PCDH15: variants seen among roughly 807,000 people sequenced by gnomAD.
The protein encoded by PCDH15 is protocadherin-15.
Under a neutral mutation model 178.5 loss-of-function variants are expected in PCDH15, and 129 were observed. The ratio of observed to expected loss-of-function variants is 0.72; its 90% CI spans 0.63 to 0.84. The LOEUF (loss-of-function observed/expected upper bound fraction) is 0.84. Among genes scored for constraint, PCDH15 ranks in the 40% least tolerant of loss-of-function variants. The pLI is 0.00. For synonymous variants in PCDH15, 800 were observed against 732.0 expected, an observed-to-expected ratio of 1.09 and a Z score of -1.50; for missense variants, 2,230 against 2,099.9, an observed-to-expected ratio of 1.06 and a Z score of -1.21.
intron 2 of PCDH15, among the ~76,000 whole-genome samples, chr10:55,042,168 CAG>C (rs1305331097): frequency 6.6e-6 from 1 of 151,980 alleles, no homozygotes; most frequent in Non-Finnish European, 1.5e-5. Flanking sequence ...CTAGGAAATT[CAG>C]AGTGAAGGAA....
chr10:54,655,428 G>GGGGTGTGT (rs2094381890), intron 2 of PCDH15: 3 of 141,980 alleles, frequency 2.1e-5, no homozygotes, highest in East Asian at 2.1e-4. Flanking sequence ...TGTGTGGTGG[G>GGGGTGTGT]GTGTGTGTGT....
At chr10:54,230,770 A>T (rs920819619) in intron 9 of PCDH15, among the ~76,000 whole-genome samples, 12 of 152,168 alleles carry the variant, frequency 7.9e-5, no homozygotes, top group African/African-American at 2.7e-4. Flanking sequence ...TTGAAAAATT[A>T]GAAAAAATAC....
intron 17 of PCDH15, among the ~76,000 whole-genome samples, chr10:54,067,242 C>T (rs891492809): frequency 3.3e-5 from 5 of 152,034 alleles, no homozygotes; most frequent in Non-Finnish European, 5.9e-5. Context: ...CTGAAATGTG[C>T]CATTTCTGTA....
intron 25 of PCDH15, among the ~76,000 whole-genome samples, chr10:53,937,108 T>A (rs1010802567): frequency 6.6e-6 from 1 of 152,172 alleles, no homozygotes; most frequent in East Asian, 1.9e-4. Context: ...CACCTCTACA[T>A]GCATACTGGG....
At chr10:54,645,672 A>G (rs1014067742) in intron 2 of PCDH15, among the ~76,000 whole-genome samples, 4 of 152,164 alleles carry the variant, frequency 2.6e-5, no homozygotes, top group African/African-American at 9.6e-5. Context: ...CTAAGAAAGA[A>G]GTGGCCAATA....
rs556372426 is a variant in PCDH15 at position 54,213,381 on chromosome 10, A to C, written c.1098+555T>G. On this transcript the variant is annotated intron_variant, in intron 10 of 37. Coordinates refer to ENST00000644397, the MANE Select transcript of PCDH15 (RefSeq NM_001384140.1). ...TTAAACCAAAAGTGAAATGCCAAATAGATTAGCTTAGCTTTGAATTATTTC... is the reference window on the plus strand; with the variant it reads ...TTAAACCAAAAGTGAAATGCCAAATCGATTAGCTTAGCTTTGAATTATTTC... 2.0e-5 allele frequency among the ~76,000 whole-genome samples: 3 copies of C among 152,250 alleles called. No homozygotes were observed. In the East Asian group the frequency reaches 5.8e-4, roughly 29 times the overall value.
At chr10:54,233,644 G>A (rs2054306531) in intron 9 of PCDH15, among the ~76,000 whole-genome samples, 1 of 152,166 alleles carries the variant, frequency 6.6e-6, no homozygotes, top group Non-Finnish European at 1.5e-5. Flanking sequence ...TTTAGGTCTA[G>A]CTGCTTTATG....
intron 23 of PCDH15, among the ~76,000 whole-genome samples, chr10:53,948,787 T>G (rs2593108): frequency 0.014 from 2,158 of 152,306 alleles, 49 homozygotes; most frequent in African/African-American, 0.049. Flanking sequence ...AACAAAGTTT[T>G]TAGTATGACT....
chr10:55,569,366 G>A lies in PCDH15; in HGVS notation c.-156+58259C>T, dbSNP rs16907517. Among the ~76,000 whole-genome samples the A allele has an allele frequency of 4.6e-3, 703 of 152,012 alleles. 6 individuals carry two copies. The highest frequency in any genetic ancestry group is 0.016 in the African/African-American group (670 of 41,510). ...CTTTAGCTTTCCAGGTCATATATAA[G>A]CATCTGTTATAAGTTCCCTATATTT... is the stretch of plus-strand genomic sequence containing the variant. On this transcript the variant is annotated intron_variant, in intron 2 of 5. Transcript: ENST00000613346.
At chr10:55,411,574 A>C (rs2132035417) in intron 2 of PCDH15, among the ~76,000 whole-genome samples, 1 of 152,212 alleles carries the variant, frequency 6.6e-6, no homozygotes, top group African/African-American at 2.4e-5. Flanking sequence ...AAAATGCATT[A>C]AGATGTCATT....
chr10:55,432,260 A>G (rs774007984), intron 2 of PCDH15, among the ~76,000 whole-genome samples: 4 of 152,218 alleles, frequency 2.6e-5, no homozygotes, highest in Non-Finnish European at 4.4e-5. Context: ...CTAAATCAGA[A>G]CAATCTGTGT....
chr10:55,309,688 G>A (rs948222919), intron 1 of PCDH15, among the ~76,000 whole-genome samples: 6 of 152,076 alleles, frequency 3.9e-5, no homozygotes, highest in Non-Finnish European at 8.8e-5. Flanking sequence ...AACTTTAAGT[G>A]GGAAATCTAT....
chr10:54,606,731 A>G (rs2092757049), intron 2 of PCDH15: 1 of 152,088 alleles, frequency 6.6e-6, no homozygotes, highest in Non-Finnish European at 1.5e-5. Context: ...GTTTTCAGAT[A>G]TCATAAAAGA....
intron 3 of PCDH15, among the ~76,000 whole-genome samples, chr10:54,846,031 A>G (rs1415539623): frequency 6.6e-6 from 1 of 152,266 alleles, no homozygotes; most frequent in African/African-American, 2.4e-5. Flanking sequence ...ATGGTTTTAT[A>G]TTCTTATACT....
At chr10:54,338,915 T>C (rs918683472) in intron 6 of PCDH15, among the ~76,000 whole-genome samples, 1 of 152,208 alleles carries the variant, frequency 6.6e-6, no homozygotes, top group Non-Finnish European at 1.5e-5. Context: ...TAAATAGTCT[T>C]ATCAATCTTG....
intron 8 of PCDH15, among the ~76,000 whole-genome samples, chr10:54,314,982 G>A (rs2061152911): frequency 6.6e-6 from 1 of 152,130 alleles, no homozygotes. Context: ...ATTGTGAATA[G>A]TGCTGCCATG....
At chr10:55,076,111 A>C (rs2132019460) in intron 2 of PCDH15, among the ~76,000 whole-genome samples, 1 of 152,226 alleles carries the variant, frequency 6.6e-6, no homozygotes, top group South Asian at 2.1e-4. Flanking sequence ...ACTTGACATG[A>C]TTTTATTTTT....
chr10:55,243,128 T>C (rs1841597104), intron 1 of PCDH15, among the ~76,000 whole-genome samples: 1 of 152,114 alleles, frequency 6.6e-6, no homozygotes, highest in Non-Finnish European at 1.5e-5. Context: ...AGAAACTTTG[T>C]CTGAAAAGGA....
At chr10:54,360,649 C>T (rs1375376492) in intron 5 of PCDH15, among the ~76,000 whole-genome samples, 1 of 151,864 alleles carries the variant, frequency 6.6e-6, no homozygotes, top group Non-Finnish European at 1.5e-5. Flanking sequence ...TTTTTATAAC[C>T]ATATAATCAC....
Sources: gnomAD v4.1 joint callset for allele counts (sites outside exome capture counted in the v4.1 genomes callset) on GRCh38, gnomAD v4.1.1 for gene constraint, MANE v1.5 for transcripts, NCBI Gene and HGNC (gene_info 2026-07-23, HGNC 2026-07-21) for gene names.